Variants in NR2F1-AS1 observed in about 807,000 individuals in gnomAD.
The protein encoded by NR2F1-AS1 is NR2F1 antisense RNA 1.
intron 4 of NR2F1-AS1, among the ~76,000 whole-genome samples, chr5:93,438,197 T>C (rs1281650147): frequency 6.6e-6 from 1 of 152,234 alleles, no homozygotes; most frequent in Non-Finnish European, 1.5e-5. Context: ...AAGATCATGC[T>C]GCCTACTTTG....
intron 4 of NR2F1-AS1, among the ~76,000 whole-genome samples, chr5:93,477,473 C>A (rs1194076283): frequency 6.6e-6 from 1 of 152,112 alleles, no homozygotes. Flanking sequence ...GATAAGCATT[C>A]CATCACAACC....
intron 4 of NR2F1-AS1, among the ~76,000 whole-genome samples, chr5:93,501,166 T>C (rs1751070462): frequency 6.6e-6 from 1 of 152,140 alleles, no homozygotes. Context: ...AATAACTGCA[T>C]GTATGACAGA....
chr5:93,570,417 G>A (rs1204870662), intron 1 of NR2F1-AS1: 1 of 152,682 alleles, frequency 6.5e-6, no homozygotes, highest in Non-Finnish European at 1.5e-5. Context: ...GGAGGAAAGA[G>A]GCTAAATGGG....
chr5:93,581,789 C>T (rs1753072942), upstream of NR2F1-AS1, among the ~76,000 whole-genome samples: 1 of 65,084 alleles, frequency 1.5e-5, no homozygotes, highest in Non-Finnish European at 3.2e-5. Context: ...CCCTCTCCCT[C>T]TCCCTCTCCC....
At chr5:93,515,475 C>A (rs927151045) in intron 4 of NR2F1-AS1, among the ~76,000 whole-genome samples, 2 of 151,870 alleles carry the variant, frequency 1.3e-5, no homozygotes, top group Admixed American at 1.3e-4. Flanking sequence ...ACATACCTCT[C>A]CTTAGTGTTT....
chr5:93,519,254 G>C (rs1242334101), intron 4 of NR2F1-AS1, among the ~76,000 whole-genome samples: 1 of 151,994 alleles, frequency 6.6e-6, no homozygotes, highest in Non-Finnish European at 1.5e-5. Context: ...GAGACTGACA[G>C]GAATAGCAGA....
intron 4 of NR2F1-AS1, among the ~76,000 whole-genome samples, chr5:93,447,704 G>T (rs1001739969): frequency 6.6e-6 from 1 of 152,034 alleles, no homozygotes; most frequent in Middle Eastern, 3.2e-3. Context: ...CCCATTAATG[G>T]GTATATACCC....
In NR2F1-AS1 at chr5:93,519,484, A is replaced by G. The variant is rs527932095; in HGVS notation, n.638+34277T>C. ...TATCTCAAATAATTGCCCACACTGC[A>G]TGATGCTGAAAGGACCCTTAATTTC... is the stretch of plus-strand genomic sequence containing the variant. On this transcript the variant is annotated intron_variant and non_coding_transcript_variant, in intron 4 of 5. Coordinates refer to ENST00000660523, the Ensembl canonical transcript of NR2F1-AS1. Among the ~76,000 whole-genome samples, 3 of 152,172 alleles carry G rather than the reference A, an allele frequency of 2.0e-5. No homozygotes were observed. In the South Asian group the frequency reaches 6.2e-4, roughly 32 times the overall value.
intron 4 of NR2F1-AS1, among the ~76,000 whole-genome samples, chr5:93,538,751 T>C (rs1405189619): frequency 2.0e-5 from 3 of 152,226 alleles, no homozygotes; most frequent in East Asian, 3.8e-4. Flanking sequence ...TAAATATACA[T>C]GTAATTCACA....
intron 4 of NR2F1-AS1, among the ~76,000 whole-genome samples, chr5:93,548,885 A>T (rs1347395061): frequency 3.3e-5 from 5 of 152,184 alleles, no homozygotes; most frequent in African/African-American, 1.2e-4. Context: ...AAAAATAAAT[A>T]CATAAAAAAT....
At chr5:93,553,115 T>TCAG (rs748420885) in intron 4 of NR2F1-AS1, among the ~76,000 whole-genome samples, 247 of 150,954 alleles carry the variant, frequency 1.6e-3, no homozygotes, top group Non-Finnish European at 2.9e-3. Context: ...TTTCCTGATA[T>TCAG]CAGTAATACA....
chr5:93,454,708 A>G (rs1749908823), intron 4 of NR2F1-AS1, among the ~76,000 whole-genome samples: 1 of 152,126 alleles, frequency 6.6e-6, no homozygotes, highest in South Asian at 2.1e-4. Context: ...GGGGATGGGG[A>G]AAGGGGTTAA....
intron 4 of NR2F1-AS1, among the ~76,000 whole-genome samples, chr5:93,440,124 G>C (rs375091131): frequency 6.6e-6 from 1 of 152,014 alleles, no homozygotes. Context: ...AGGCTGTGGA[G>C]TTTTTCTTAT....
At chr5:93,508,501 G>T (rs753873674) in intron 4 of NR2F1-AS1, among the ~76,000 whole-genome samples, 3 of 151,962 alleles carry the variant, frequency 2.0e-5, no homozygotes, top group Non-Finnish European at 4.4e-5. Flanking sequence ...AAGCAAAATT[G>T]TAACATTTTT....
At chr5:93,411,502 C>T (rs1390761046) in intron 4 of NR2F1-AS1, 1 of 152,214 alleles carries the variant, frequency 6.6e-6, no homozygotes, top group East Asian at 1.9e-4. Context: ...GTCCTAGAGG[C>T]AGTGTATCTG....
intron 1 of NR2F1-AS1, among the ~76,000 whole-genome samples, chr5:93,580,026 G>A (rs1752984656): frequency 1.3e-5 from 2 of 152,232 alleles, no homozygotes; most frequent in Admixed American, 1.3e-4. Context: ...GGCAAGGCGC[G>A]GGCACAAGGG....
At chr5:93,555,389 G>T (rs1180788619) in intron 2 of NR2F1-AS1, among the ~76,000 whole-genome samples, 1 of 152,180 alleles carries the variant, frequency 6.6e-6, no homozygotes, top group African/African-American at 2.4e-5. Flanking sequence ...ATTCTTAGTG[G>T]AAATAAGGTA....
intron 4 of NR2F1-AS1, among the ~76,000 whole-genome samples, chr5:93,454,888 C>T (rs906518859): frequency 6.6e-6 from 1 of 152,014 alleles, no homozygotes. Flanking sequence ...ATGCCTCTTC[C>T]CACACACCTT....
chr5:93,434,550 TTCTGTGTGACTTTCCCAAG>T (rs1361558684), intron 4 of NR2F1-AS1, among the ~76,000 whole-genome samples: 1 of 152,178 alleles, frequency 6.6e-6, no homozygotes, highest in Non-Finnish European at 1.5e-5. Flanking sequence ...CTGTAAGCAG[TTCTGTGTGACTTTCCCAAG>T]AAAAAAGATA....
Sources: allele counts gnomAD v4.1 joint callset (sites outside exome capture counted in the v4.1 genomes callset), GRCh38; gene constraint gnomAD v4.1.1; transcripts MANE v1.5; gene names NCBI Gene and HGNC (gene_info 2026-07-23, HGNC 2026-07-21).